The following ALG5 variants were observed in gnomAD, a reference collection of about 807,000 sequenced individuals.
ALG5 encodes ALG5 dolichyl-phosphate beta-glucosyltransferase.
In ALG5, 26 loss-of-function variants were observed where a neutral mutation model predicts 51.8. The ratio of observed to expected loss-of-function variants is 0.50; its 90% CI spans 0.37 to 0.70. The LOEUF is 0.70. Among genes scored for constraint, ALG5 ranks in the 30% least tolerant of loss-of-function variants. The pLI is 0.00. For synonymous variants in ALG5, 141 were observed against 136.1 expected (o/e 1.04, Z -0.25); for missense variants, 311 against 399.3 (o/e 0.78, Z 1.88).
chr13:36,970,111 G>A (rs2058914997), intron 7 of ALG5, among the ~76,000 whole-genome samples: 1 of 150,720 alleles, frequency 6.6e-6, no homozygotes, highest in Non-Finnish European at 1.5e-5. Flanking sequence ...ATGTGCTGAA[G>A]ATCTTAGACA....
At chr13:36,994,885 G>A in intron 3 of ALG5, 104 bp downstream of exon 3, 5 of 956,300 alleles carry the variant, frequency 5.2e-6, no homozygotes, top group Non-Finnish European at 8.1e-6. Context: ...CGATCGGGGT[G>A]CTGCCAGGAC....
At chr13:36,968,855 C>T (rs1010867527) in intron 7 of ALG5, among the ~76,000 whole-genome samples, 1 of 152,164 alleles carries the variant, frequency 6.6e-6, no homozygotes, top group Non-Finnish European at 1.5e-5. Flanking sequence ...TTGGAGACAA[C>T]CTTTTGTGAG....
chr13:36,967,465 A>G (rs1236333318), intron 7 of ALG5, among the ~76,000 whole-genome samples: 1 of 152,206 alleles, frequency 6.6e-6, no homozygotes, highest in East Asian at 1.9e-4. Flanking sequence ...CAGGAACTCA[A>G]TAATGTTCTT....
At chr13:36,999,182 C>T (rs2059071047) in intron 1 of ALG5, 53 bp downstream of exon 1, 37 of 1,490,002 alleles carry the variant, frequency 2.5e-5, no homozygotes, top group Non-Finnish European at 3.3e-5. Context: ...GAGCCGCAGT[C>T]TCCAGGAGAG....
intron 6 of ALG5, 143 bp downstream of exon 6, chr13:36,985,484 T>A: frequency 3.8e-6 from 2 of 527,030 alleles, no homozygotes; most frequent in Non-Finnish European, 6.7e-6. Context: ...GATCAGTTCC[T>A]CTATGGGGCT....
At chr13:36,999,367 C>T (rs1036630059), upstream of ALG5, 5 of 1,381,226 alleles carry the variant, frequency 3.6e-6, no homozygotes, top group Admixed American at 3.3e-5. Context: ...CCGCGCGACC[C>T]GGCCCCGCCG....
At chr13:36,973,860 T>C (rs1228922379) in intron 6 of ALG5, among the ~76,000 whole-genome samples, 1 of 152,184 alleles carries the variant, frequency 6.6e-6, no homozygotes, top group African/African-American at 2.4e-5. Flanking sequence ...CCAAGAGTAA[T>C]GCGAATAAAA....
chr13:36,965,501 C>A, intron 8 of ALG5, 74 bp downstream of exon 8: 1 of 1,402,550 alleles, frequency 7.1e-7, no homozygotes, highest in Non-Finnish European at 9.8e-7. Context: ...TATAAATATA[C>A]AGGGCTGTTT....
Position 36,965,691 on chromosome 13 carries a change from G to A in ALG5, c.657C>T (p.Phe219=). The A allele has an allele frequency of 6.2e-7, 1 of 1,613,900 alleles. No homozygotes were observed. The highest frequency in any genetic ancestry group is 8.5e-7 in the Non-Finnish European group (1 of 1,179,926). The change falls in exon 8 of 10, where the codon TTC becomes TTT. Residue 219 remains phenylalanine (F), a synonymous_variant. Coordinates refer to ENST00000239891, the MANE Select transcript of ALG5 (RefSeq NM_013338.5). The part of the protein sequence containing the change: ...SYFRTLLMYG[F]HFLVWFLCVK... ...CACAAAGGAACCACACCAGAAAGTG[G>A]AACCCATACATGAGAAGAGTACGGA...
At chr13:36,981,952 A>G (rs747222579) in intron 6 of ALG5, among the ~76,000 whole-genome samples, 2 of 152,048 alleles carry the variant, frequency 1.3e-5, no homozygotes, top group Non-Finnish European at 2.9e-5. Flanking sequence ...TTAGCCGGGC[A>G]TGGTGGCAGG....
chr13:36,987,884 T>A lies in ALG5; in HGVS notation c.447+1600A>T, dbSNP rs555119818. On this transcript the variant is annotated intron_variant, in intron 5 of 9. Transcript: ENST00000239891. Reference sequence around the variant, plus strand: ...TACACTTGATGCTGGCTGATTAAAGTGTCACTCTGTCAATGGTAAAAAATG... The same window carrying A: ...TACACTTGATGCTGGCTGATTAAAGAGTCACTCTGTCAATGGTAAAAAATG... Among the ~76,000 whole-genome samples the A allele has an allele frequency of 7.0e-4, 106 of 152,290 alleles. 2 individuals carry two copies. The highest frequency in any genetic ancestry group is 1.4e-3 in the Non-Finnish European group (96 of 68,026).
chr13:36,972,291 G>A (rs1472183457), intron 6 of ALG5, among the ~76,000 whole-genome samples: 1 of 152,192 alleles, frequency 6.6e-6, no homozygotes, highest in East Asian at 1.9e-4. Flanking sequence ...AACTTTAAAT[G>A]ATATTTTCTG....
At chr13:36,995,282 G>C in intron 2 of ALG5, 143 bp downstream of exon 2, 1 of 931,112 alleles carries the variant, frequency 1.1e-6, no homozygotes, top group Non-Finnish European at 1.6e-6. Flanking sequence ...TTCCCTCTCT[G>C]CCGAACTACA....
At chr13:36,962,039 C>T (rs1342120034) in intron 8 of ALG5, among the ~76,000 whole-genome samples, 3 of 152,176 alleles carry the variant, frequency 2.0e-5, no homozygotes, top group Non-Finnish European at 4.4e-5. Flanking sequence ...CCACCCGCTT[C>T]GGCCTCCCAA....
At chr13:36,980,199 G>A (rs920850632) in intron 6 of ALG5, among the ~76,000 whole-genome samples, 9 of 152,134 alleles carry the variant, frequency 5.9e-5, no homozygotes, top group African/African-American at 2.2e-4. Context: ...AACTGAACAA[G>A]TGATCATCAT....
intron 8 of ALG5, among the ~76,000 whole-genome samples, chr13:36,953,991 C>T (rs1345161275): frequency 6.6e-6 from 1 of 151,814 alleles, no homozygotes; most frequent in Non-Finnish European, 1.5e-5. Flanking sequence ...CAGTATATAG[C>T]TAGTGACTTA....
chr13:36,959,878 T>A (rs1364806001), intron 8 of ALG5, among the ~76,000 whole-genome samples: 1 of 151,700 alleles, frequency 6.6e-6, no homozygotes, highest in Non-Finnish European at 1.5e-5. Flanking sequence ...AGATAGAGGA[T>A]GGAGCAAGCT....
intron 1 of ALG5, among the ~76,000 whole-genome samples, chr13:36,995,819 G>A (rs2138832457): frequency 6.6e-6 from 1 of 152,222 alleles, no homozygotes; most frequent in East Asian, 1.9e-4. Flanking sequence ...AGGTGCTGAT[G>A]CCTTAGGAGG....
At chr13:36,986,901 C>T (rs188722642) in intron 5 of ALG5, among the ~76,000 whole-genome samples, 54 of 152,264 alleles carry the variant, frequency 3.5e-4, no homozygotes, top group Non-Finnish European at 6.3e-4. Flanking sequence ...TTCAATGATG[C>T]GTGATCAAAC....
Sources: gnomAD v4.1 joint callset for allele counts (sites outside exome capture counted in the v4.1 genomes callset) on GRCh38, gnomAD v4.1.1 for gene constraint, MANE v1.5 for transcripts, NCBI Gene and HGNC (gene_info 2026-07-23, HGNC 2026-07-21) for gene names.